Variants in CRBN observed in about 807,000 individuals in gnomAD.
The protein encoded by CRBN is protein cereblon.
In CRBN, 53 loss-of-function variants were observed where a neutral mutation model predicts 62.2. The observed-to-expected ratio is 0.85, with a 90% CI of 0.68 to 1.07. The LOEUF is 1.07. Among genes scored for constraint, CRBN ranks in the 50% least tolerant of loss-of-function variants. CRBN has a pLI of 0.00. For missense variants in CRBN, 616 were observed against 531.1 expected (o/e 1.16, Z -1.57); for synonymous variants, 208 against 176.1 (o/e 1.18, Z -1.43).
At chr3:3,152,082 A>G (rs1218088978) in intron 10 of CRBN, among the ~76,000 whole-genome samples, 1 of 152,156 alleles carries the variant, frequency 6.6e-6, no homozygotes, top group Non-Finnish European at 1.5e-5. Flanking sequence ...CTTTCATTCA[A>G]TGATAAAAGA....
chr3:3,158,767 A>G (rs145539785), intron 5 of CRBN, among the ~76,000 whole-genome samples: 1 of 152,338 alleles, frequency 6.6e-6, no homozygotes, highest in African/African-American at 2.4e-5. Context: ...GGAAGGAGCT[A>G]GGATCTGTAT....
chr3:3,152,104 C>G lies in CRBN; in HGVS notation c.1148+352G>C, dbSNP rs377081132. 6.8e-4 allele frequency among the ~76,000 whole-genome samples: 103 copies of G among 151,896 alleles called. 1 individual carries two copies. Among genetic ancestry groups the G allele is most frequent in the African/African-American group, 2.3e-3 (95 of 41,448 alleles). ...TCAATGATAAAAGATACAAAAAGTG[C>G]AACAGATGTTTCTAGCTATTTGTGG... On this transcript the variant is annotated intron_variant, in intron 10 of 10. Transcript: ENST00000231948.
At position 3,153,504 on chromosome 3, in the gene CRBN, G is replaced by C; in HGVS notation, c.952-16C>G. 6.8e-7 allele frequency: 1 copy of C among 1,476,338 alleles called. No individual in the cohort carries two copies. Among genetic ancestry groups the C allele is most frequent in the Non-Finnish European group, 9.5e-7 (1 of 1,055,010 alleles). 91.5% of individuals were successfully genotyped at this position (1,476,338 alleles called of 1,614,324 possible). A position where few individuals can be genotyped will look rare whatever the true frequency, so the allele number is the denominator to read the frequency against. On this transcript the variant is annotated splice_polypyrimidine_tract_variant and intron_variant, in intron 8 of 10. Coordinates refer to ENST00000231948, the MANE Select transcript of CRBN (RefSeq NM_016302.4). The stretch of plus-strand genomic sequence containing the variant: ...GGGAAGTACACTAAAAGATTTGAGA[G>C]AAAAATTATTGGTAGGAAAAACTGG...
At chr3:3,171,607 A>C (rs747885390) in intron 4 of CRBN, among the ~76,000 whole-genome samples, 9 of 152,186 alleles carry the variant, frequency 5.9e-5, no homozygotes, top group Non-Finnish European at 1.2e-4. Flanking sequence ...AAACACCCTA[A>C]GAGCTCTGGC....
intron 5 of CRBN, among the ~76,000 whole-genome samples, chr3:3,166,028 C>A (rs1707313503): frequency 6.6e-6 from 1 of 152,128 alleles, no homozygotes; most frequent in Admixed American, 6.5e-5. Flanking sequence ...TCTCACAGTT[C>A]AGTTAAAAGA....
At chr3:3,157,731 T>A (rs1361225859) in intron 5 of CRBN, among the ~76,000 whole-genome samples, 1 of 152,172 alleles carries the variant, frequency 6.6e-6, no homozygotes, top group Non-Finnish European at 1.5e-5. Flanking sequence ...CACCCTCGAC[T>A]TCCCCGCCAC....
chr3:3,169,853 AG>A (rs1224975685), intron 4 of CRBN, among the ~76,000 whole-genome samples: 2 of 152,026 alleles, frequency 1.3e-5, no homozygotes, highest in Non-Finnish European at 2.9e-5. Flanking sequence ...GCTAAGAAGT[AG>A]GAACTTCTGA....
chr3:3,178,116 A>C (rs1559260099), intron 1 of CRBN, among the ~76,000 whole-genome samples: 1 of 152,202 alleles, frequency 6.6e-6, no homozygotes, highest in Non-Finnish European at 1.5e-5. Flanking sequence ...TGTCGACAGA[A>C]GATCAGTATC....
intron 4 of CRBN, among the ~76,000 whole-genome samples, chr3:3,171,143 G>C (rs1483764912): frequency 2.6e-5 from 4 of 152,118 alleles, no homozygotes; most frequent in African/African-American, 7.2e-5. Context: ...TCCATTCCTT[G>C]TCTTGTTTTC....
intron 10 of CRBN, among the ~76,000 whole-genome samples, chr3:3,152,018 G>A (rs1044704061): frequency 1.3e-5 from 2 of 152,118 alleles, no homozygotes; most frequent in Admixed American, 6.6e-5. Context: ...AACAATTTTG[G>A]ATTTAACTGG....
chr3:3,152,169 T>TAGAC (rs1218900023), intron 10 of CRBN, among the ~76,000 whole-genome samples: 3 of 108,860 alleles, frequency 2.8e-5, no homozygotes, highest in East Asian at 2.1e-4. Flanking sequence ...TTTTTTTAAA[T>TAGAC]AGACAGATTC....
Position 3,172,830 on chromosome 3 carries a change from T to A in CRBN, c.473A>T (p.Lys158Ile). 6.2e-7 allele frequency: 1 copy of A among 1,614,006 alleles called. No homozygotes were observed. Among genetic ancestry groups the A allele is most frequent in the South Asian group, 1.1e-5 (1 of 91,084 alleles). Reference sequence around the variant, plus strand: ...TTTGAACCTTTGTCTTCCAATTGCTTTCACTTTCACTATCTCAATTCCAAA... The same window carrying A: ...TTTGAACCTTTGTCTTCCAATTGCTATCACTTTCACTATCTCAATTCCAAA... Reference protein sequence around the residue: ...QDFGIEIVKVKAIGRQRFKVL... With the variant: ...QDFGIEIVKVIAIGRQRFKVL... Residue 158 changes from lysine to isoleucine, a missense_variant, in exon 4 of 11, where the codon AAA becomes ATA. Physicochemically the swap from Lys to Ile is moderately radical, Grantham distance 102 (BLOSUM62 -3). Coordinates refer to ENST00000231948, the MANE Select transcript of CRBN (RefSeq NM_016302.4).
intron 1 of CRBN, among the ~76,000 whole-genome samples, chr3:3,178,533 T>C (rs1246158669): frequency 1.3e-5 from 2 of 152,206 alleles, no homozygotes; most frequent in Non-Finnish European, 2.9e-5. Flanking sequence ...CACAACCATA[T>C]CCTAAATATG....
Position 3,153,991 on chromosome 3 carries a change from C to T in CRBN, c.920G>A (p.Arg307Gln). The change falls in exon 8 of 11, where the codon CGA becomes CAA. Residue 307 changes from arginine (R) to glutamine (Q), a missense_variant. By Grantham distance (43) the Arg-to-Gln change is conservative. Transcript: ENST00000231948. ...QLLKIGSAIQ[R>Q]LRCELDIMNK... ...CATAATGTCTAATTCACAGCGAAGT[C>T]GCTGGATAGCACTGCCAATTTTAAG... 8 of 1,611,778 alleles carry T rather than the reference C, an allele frequency of 5.0e-6. No homozygotes were observed. Among genetic ancestry groups the T allele is most frequent in the East Asian group, 4.5e-5 (2 of 44,842 alleles).
chr3:3,172,652 A>G, intron 4 of CRBN, 124 bp downstream of exon 4: 1 of 997,258 alleles, frequency 1.0e-6, no homozygotes, highest in South Asian at 1.3e-5. Flanking sequence ...TATACCTTAG[A>G]AGGGAAAGAG....
intron 5 of CRBN, among the ~76,000 whole-genome samples, chr3:3,162,698 TAA>T (rs1213915947): frequency 1.4e-5 from 2 of 147,736 alleles, no homozygotes; most frequent in Non-Finnish European, 3.1e-5. Flanking sequence ...CTCGATACTT[TAA>T]GTTCCTTTTC....
intron 5 of CRBN, 73 bp from the exon 6 acceptor site, chr3:3,156,354 TG>T (rs1706893130): frequency 7.3e-7 from 1 of 1,361,832 alleles, no homozygotes; most frequent in African/African-American, 1.4e-5. Flanking sequence ...GAGCAACATC[TG>T]AAAAATGATT....
intron 6 of CRBN, chr3:3,155,198 T>C (rs951161475): frequency 8.7e-6 from 2 of 228,834 alleles, no homozygotes; most frequent in East Asian, 2.0e-4. Context: ...TAGCACTTGC[T>C]ATCTACATAC....
Position 3,150,954 on chromosome 3 carries a change from A to G in CRBN, c.1240T>C (p.Phe414Leu). 6.2e-7 allele frequency: 1 copy of G among 1,614,026 alleles called. No homozygotes were observed. Among genetic ancestry groups the G allele is most frequent in the Non-Finnish European group, 8.5e-7 (1 of 1,179,978 alleles). The change falls in exon 11 of 11, where the codon TTT (phenylalanine) becomes CTT (leucine). Residue 414 changes from phenylalanine to leucine, a missense_variant. By Grantham distance (22) the Phe-to-Leu change is conservative. Coordinates refer to ENST00000231948, the MANE Select transcript of CRBN (RefSeq NM_016302.4). ...AGAGCAGATCGCGTTAAGCCCCAAA[A>G]TTTTTGAGGTGACATGTCTTTTTTG... is the stretch of plus-strand genomic sequence containing the variant. ...ATKKDMSPQK[F>L]WGLTRSALLP...
Sources: gnomAD v4.1 joint callset for allele counts (sites outside exome capture counted in the v4.1 genomes callset) on GRCh38, gnomAD v4.1.1 for gene constraint, MANE v1.5 for transcripts, NCBI Gene and HGNC (gene_info 2026-07-23, HGNC 2026-07-21) for gene names.